Variants in BTBD9 observed in about 807,000 individuals in gnomAD.
BTBD9 encodes BTB domain containing 9, also known as BTB/POZ domain-containing protein 9.
BTBD9 carries 49 observed loss-of-function variants against 64.3 expected under a neutral mutation model. The ratio of observed to expected loss-of-function variants is 0.76; its 90% CI spans 0.61 to 0.97. The LOEUF is 0.97. BTBD9 is among the 50% of genes least tolerant of loss of function. The pLI is 0.00. For missense variants in BTBD9, 598 were observed against 762.1 expected (o/e 0.78, Z 2.53); for synonymous variants, 260 against 274.7 (o/e 0.95, Z 0.53).
intron 1 of BTBD9, among the ~76,000 whole-genome samples, chr6:38,629,365 T>C (rs1430902952): frequency 6.6e-6 from 1 of 152,214 alleles, no homozygotes; most frequent in East Asian, 1.9e-4. Flanking sequence ...AGAATCCATC[T>C]TAACTAAGTG....
chr6:38,519,863 C>T (rs917641946), intron 6 of BTBD9, among the ~76,000 whole-genome samples: 3 of 152,172 alleles, frequency 2.0e-5, no homozygotes, highest in African/African-American at 7.2e-5. Context: ...CTACTGCTTA[C>T]AACCAGAGTC....
intron 6 of BTBD9, among the ~76,000 whole-genome samples, chr6:38,406,117 T>C (rs1452076451): frequency 1.3e-5 from 2 of 152,182 alleles, no homozygotes; most frequent in African/African-American, 4.8e-5. Context: ...TTCATAGGTC[T>C]TTAGGTAAAA....
At chr6:38,289,790 T>TAA (rs1433611369) in intron 7 of BTBD9, among the ~76,000 whole-genome samples, 1 of 152,176 alleles carries the variant, frequency 6.6e-6, no homozygotes, top group Non-Finnish European at 1.5e-5. Flanking sequence ...TGCTCATTTA[T>TAA]AAAAGTCAAG....
intron 7 of BTBD9, among the ~76,000 whole-genome samples, chr6:38,320,210 A>C (rs1763179771): frequency 1.3e-5 from 2 of 152,248 alleles, no homozygotes; most frequent in African/African-American, 4.8e-5. Context: ...TCTTTCAGTG[A>C]TATTGAGTTA....
intron 6 of BTBD9, among the ~76,000 whole-genome samples, chr6:38,551,474 C>T (rs1394616544): frequency 6.6e-6 from 1 of 152,170 alleles, no homozygotes; most frequent in African/African-American, 2.4e-5. Context: ...CTACTCTAGG[C>T]ATTGTTTTAA....
At position 38,307,286 on chromosome 6, in the gene BTBD9, G is replaced by A. The variant is rs372736368; in HGVS notation, c.1265-18825C>T. On this transcript the variant is annotated intron_variant, in intron 7 of 10. Transcript: ENST00000481247. ...ATTAGAGAACAAGCCCATCTTTCTT[G>A]GAAACTATCAAAAAGCTGTAAAAAT... Among the ~76,000 whole-genome samples, 4 of 152,214 alleles carry A rather than the reference G, an allele frequency of 2.6e-5. No homozygotes were observed. The East Asian group carries it at 7.7e-4, about 29-fold the overall frequency.
chr6:38,275,722 T>C (rs899486051), intron 8 of BTBD9, among the ~76,000 whole-genome samples: 12 of 152,200 alleles, frequency 7.9e-5, no homozygotes, highest in African/African-American at 2.9e-4. Context: ...AGAAGATATT[T>C]ATGCAGCCAA....
chr6:38,529,246 A>G (rs1773667902), intron 6 of BTBD9, among the ~76,000 whole-genome samples: 1 of 152,188 alleles, frequency 6.6e-6, no homozygotes, highest in Non-Finnish European at 1.5e-5. Flanking sequence ...CAGGCATCTC[A>G]GCAGAGAGAG....
intron 6 of BTBD9, among the ~76,000 whole-genome samples, chr6:38,407,169 T>C (rs1767208567): frequency 6.6e-6 from 1 of 152,240 alleles, no homozygotes; most frequent in African/African-American, 2.4e-5. Flanking sequence ...TTTGATGACA[T>C]CTTAACTGTT....
chr6:38,340,188 G>T (rs891619395), intron 7 of BTBD9, among the ~76,000 whole-genome samples: 1 of 152,164 alleles, frequency 6.6e-6, no homozygotes, highest in Non-Finnish European at 1.5e-5. Flanking sequence ...AAGTGTATGT[G>T]CACGTATTTC....
chr6:38,580,080 C>T, intron 5 of BTBD9, 138 bp downstream of exon 5: 1 of 744,298 alleles, frequency 1.3e-6, no homozygotes, highest in Non-Finnish European at 2.1e-6. Context: ...TTAACTCCTT[C>T]CCCAAAACCA....
chr6:38,448,267 A>G (rs1027698474), intron 6 of BTBD9, among the ~76,000 whole-genome samples: 10 of 152,208 alleles, frequency 6.6e-5, no homozygotes, highest in Non-Finnish European at 1.2e-4. Flanking sequence ...CAAAATCCTT[A>G]TCAAATGAGG....
chr6:38,251,566 G>A (rs1764403825), intron 9 of BTBD9, among the ~76,000 whole-genome samples: 1 of 152,048 alleles, frequency 6.6e-6, no homozygotes, highest in East Asian at 1.9e-4. Context: ...CGGCCAGGCT[G>A]CTTTCTACCA....
intron 9 of BTBD9, among the ~76,000 whole-genome samples, chr6:38,219,326 T>C (rs1763124813): frequency 6.7e-6 from 1 of 148,514 alleles, no homozygotes; most frequent in African/African-American, 2.5e-5. Flanking sequence ...TGTATTTTAG[T>C]AGAGACAGGG....
chr6:38,607,104 C>T (rs1777455508), intron 1 of BTBD9, among the ~76,000 whole-genome samples: 1 of 152,232 alleles, frequency 6.6e-6, no homozygotes, highest in South Asian at 2.1e-4. Context: ...AAAGATTATA[C>T]ATACATGTAC....
chr6:38,212,076 C>T (rs142062514), intron 9 of BTBD9, among the ~76,000 whole-genome samples: 153 of 152,294 alleles, frequency 1.0e-3, no homozygotes, highest in Non-Finnish European at 8.7e-4. Context: ...AACCATTTAA[C>T]GTGGTCCCAG....
intron 8 of BTBD9, among the ~76,000 whole-genome samples, chr6:38,283,760 G>A (rs1761611800): frequency 1.3e-5 from 2 of 152,198 alleles, no homozygotes; most frequent in Non-Finnish European, 2.9e-5. Context: ...TGGGGAAACT[G>A]TTAAGTCACT....
intron 7 of BTBD9, among the ~76,000 whole-genome samples, chr6:38,291,009 T>G (rs528419272): frequency 4.4e-4 from 67 of 152,362 alleles, no homozygotes; most frequent in African/African-American, 1.6e-3. Flanking sequence ...GTTACCATTG[T>G]TTTCTTTGCC....
At chr6:38,505,455 C>A (rs953800562) in intron 6 of BTBD9, among the ~76,000 whole-genome samples, 4 of 151,732 alleles carry the variant, frequency 2.6e-5, no homozygotes, top group Non-Finnish European at 5.9e-5. Context: ...TGAAACCCCA[C>A]CTCTATTAAA....
Sources: allele counts gnomAD v4.1 joint callset (sites outside exome capture counted in the v4.1 genomes callset), GRCh38; gene constraint gnomAD v4.1.1; transcripts MANE v1.5; gene names NCBI Gene and HGNC (gene_info 2026-07-23, HGNC 2026-07-21).